Variants in CELF2 observed in about 807,000 individuals in gnomAD.
The protein encoded by CELF2 is CUGBP Elav-like family member 2.
CELF2 carries 8 observed loss-of-function variants against 62.6 expected under a neutral mutation model. The ratio of observed to expected loss-of-function variants is 0.13; its 90% CI spans 0.07 to 0.23. CELF2 has a LOEUF of 0.23. Ranked by LOEUF, CELF2 falls within the 10% of genes least tolerant of loss-of-function variation. The pLI, the probability that CELF2 is intolerant of heterozygous loss-of-function variation, is 1.00. For missense variants in CELF2, 333 were observed against 671.0 expected, an observed-to-expected ratio of 0.50 and a Z score of 5.56; for synonymous variants, 258 against 250.0, an observed-to-expected ratio of 1.03 and a Z score of -0.30.
chr10:10,512,552 C>A, the CELF2 span, among the ~76,000 whole-genome samples: 1 of 151,910 alleles, frequency 6.6e-6, no homozygotes, highest in East Asian at 1.9e-4. Context: ...CCTGAGATTA[C>A]AGGCATGCGC....
intron 1 of CELF2, among the ~76,000 whole-genome samples, chr10:11,103,747 C>T (rs1399148436): frequency 2.0e-5 from 3 of 151,946 alleles, no homozygotes; most frequent in African/African-American, 4.8e-5. Context: ...ATTACTGGTT[C>T]GTAGTAGAAG....
At chr10:10,699,878 C>T in the CELF2 span, among the ~76,000 whole-genome samples, 1 of 152,172 alleles carries the variant, frequency 6.6e-6, no homozygotes, top group African/African-American at 2.4e-5. Flanking sequence ...AGAACAGCAT[C>T]GCCGTAGTTT....
intron 1 of CELF2, chr10:11,096,379 G>A (rs770251630): frequency 5.3e-5 from 8 of 152,182 alleles, no homozygotes; most frequent in Admixed American, 2.0e-4. Context: ...TACACTTAGT[G>A]GCAACTGTAG....
the CELF2 span, among the ~76,000 whole-genome samples, chr10:10,792,169 A>G: frequency 6.6e-6 from 1 of 152,190 alleles, no homozygotes; most frequent in Non-Finnish European, 1.5e-5. Flanking sequence ...TGCTAAACGG[A>G]TCATTTGATT....
rs2096112200 is a variant in CELF2 at position 11,335,993 on chromosome 10, C to T, written c.*6940C>T. ...TAAATTCATACCCATAGTTTTGAGT[C>T]GGTATGACACCACTGCAGTGTGAGC... On this transcript the variant is annotated 3_prime_UTR_variant, in exon 13 of 13. Transcript: ENST00000633077. The surrounding 1 kb of genome is among the most constrained non-coding windows in gnomAD (Gnocchi z 5.0). 6.6e-6 allele frequency: 1 copy of T among 152,390 alleles called. No homozygotes were observed. The highest frequency in any genetic ancestry group is 1.9e-4 in the East Asian group (1 of 5,184). 9.4% of individuals were successfully genotyped at this position (152,390 alleles called of 1,614,324 possible).
At chr10:11,161,216 A>G in intron 1 of CELF2, among the ~76,000 whole-genome samples, 1 of 152,350 alleles carries the variant, frequency 6.6e-6, no homozygotes, top group Middle Eastern at 3.4e-3. Flanking sequence ...CACTGAGAAT[A>G]CTATTGCCCA....
Position 11,178,127 on chromosome 10 carries a change from C to T in CELF2, c.271+12445C>T, listed in dbSNP as rs962440226. 1.3e-5 allele frequency among the ~76,000 whole-genome samples: 2 copies of T among 152,206 alleles called. No homozygotes were observed. Among genetic ancestry groups the T allele is most frequent in the African/African-American group, 2.4e-5 (1 of 41,446 alleles). ...TGCCACATGCCCTGGCCTGCGTCAG[C>T]GTTATGGAGTAGGCAACCTGGTTCG... On this transcript the variant is annotated intron_variant, in intron 2 of 12. Transcript: ENST00000633077. The surrounding 1 kb of genome is among the most constrained non-coding windows in gnomAD (Gnocchi z 4.3).
intron 2 of CELF2, among the ~76,000 whole-genome samples, chr10:10,926,609 A>G (rs544005659): frequency 7.2e-4 from 110 of 152,292 alleles, no homozygotes; most frequent in Non-Finnish European, 1.5e-3. Flanking sequence ...CAGCAACTCC[A>G]GCCGTCACGT....
chr10:11,082,918 G>A (rs1564658370), intron 1 of CELF2, among the ~76,000 whole-genome samples: 1 of 152,216 alleles, frequency 6.6e-6, no homozygotes, highest in Non-Finnish European at 1.5e-5. Context: ...GGTGTGTAAT[G>A]ATTAGCTGTA....
chr10:11,081,347 C>T (rs2073983185), intron 1 of CELF2, among the ~76,000 whole-genome samples: 1 of 152,168 alleles, frequency 6.6e-6, no homozygotes, highest in Non-Finnish European at 1.5e-5. Flanking sequence ...ATCTCAGTCT[C>T]ATAATTGAAA....
the CELF2 span, among the ~76,000 whole-genome samples, chr10:10,660,912 A>G: frequency 6.6e-6 from 1 of 152,216 alleles, no homozygotes; most frequent in African/African-American, 2.4e-5. Context: ...ATGCTAACAT[A>G]TTGCCACCAA....
chr10:11,301,470 C>G (rs1412883940), intron 9 of CELF2, among the ~76,000 whole-genome samples: 2 of 56,284 alleles, frequency 3.6e-5, no homozygotes, highest in African/African-American at 1.7e-4. Flanking sequence ...CCACTTCACC[C>G]CCCTCGCTTC....
chr10:10,580,483 A>C, the CELF2 span, among the ~76,000 whole-genome samples: 4 of 152,068 alleles, frequency 2.6e-5, no homozygotes, highest in Non-Finnish European at 5.9e-5. Context: ...CGCACCCTTA[A>C]ATGTTAGTAT....
At chr10:10,992,019 T>C (rs1052761685) in intron 2 of CELF2, among the ~76,000 whole-genome samples, 3 of 152,156 alleles carry the variant, frequency 2.0e-5, no homozygotes, top group African/African-American at 4.8e-5. Flanking sequence ...TTAATAGGCA[T>C]TGGGAAATAT....
the CELF2 span, among the ~76,000 whole-genome samples, chr10:10,634,834 T>C: frequency 5.2e-4 from 79 of 152,156 alleles, no homozygotes; most frequent in East Asian, 7.2e-3. Context: ...GCTAATCTTT[T>C]GTATATTTAG....
intron 1 of CELF2, among the ~76,000 whole-genome samples, chr10:10,855,983 G>A (rs1012114614): frequency 1.3e-5 from 2 of 152,118 alleles, no homozygotes; most frequent in Non-Finnish European, 2.9e-5. Flanking sequence ...GGAGAAACCG[G>A]ATCTAAGATC....
chr10:10,950,107 C>T (rs1039006156), intron 2 of CELF2, among the ~76,000 whole-genome samples: 3 of 152,260 alleles, frequency 2.0e-5, no homozygotes, highest in South Asian at 2.1e-4. Flanking sequence ...CTGCAAGAGG[C>T]GAGTTGAGGG....
At chr10:10,921,027 T>C (rs896707412) in intron 2 of CELF2, among the ~76,000 whole-genome samples, 2 of 152,128 alleles carry the variant, frequency 1.3e-5, no homozygotes, top group Non-Finnish European at 2.9e-5. Flanking sequence ...CAGTCTCAAC[T>C]CACTGCAACT....
chr10:10,668,113 G>A, the CELF2 span, among the ~76,000 whole-genome samples: 168 of 152,248 alleles, frequency 1.1e-3, no homozygotes, highest in South Asian at 2.3e-3. Flanking sequence ...GTAGTTAAAC[G>A]AATAGCTTTC....
Sources: gnomAD v4.1 joint callset for allele counts (sites outside exome capture counted in the v4.1 genomes callset) on GRCh38, gnomAD v4.1.1 for gene constraint, Gnocchi (gnomAD v3.1) non-coding constraint, MANE v1.5 for transcripts, NCBI Gene and HGNC (gene_info 2026-07-23, HGNC 2026-07-21) for gene names.